Variants in CTSB observed in about 807,000 individuals in gnomAD.
CTSB encodes the protein APP secretase.
CTSB carries 57 observed loss-of-function variants against 44.3 expected under a neutral mutation model. That is an observed-to-expected ratio of 1.29 (90% confidence interval 1.04 to 1.60). The LOEUF (loss-of-function observed/expected upper bound fraction) is 1.60, where lower values mean the gene tolerates loss of function less well. Ranked by LOEUF, CTSB falls within the 40% of genes most tolerant of loss-of-function variation. The pLI, the probability that CTSB is intolerant of heterozygous loss-of-function variation, is 0.00. For missense variants in CTSB, 768 were observed against 443.0 expected, an observed-to-expected ratio of 1.73 and a Z score of -6.59; for synonymous variants, 320 against 168.0, an observed-to-expected ratio of 1.91 and a Z score of -7.00.
intron 2 of CTSB, among the ~76,000 whole-genome samples, chr8:11,853,065 GCTCA>G (rs1412291127): frequency 1.3e-5 from 2 of 152,090 alleles, no homozygotes; most frequent in African/African-American, 4.8e-5. Flanking sequence ...CACTTCCGAA[GCTCA>G]CTTACTCCCC....
chr8:11,861,621 CA>C (rs1447937032), intron 1 of CTSB: 1 of 152,250 alleles, frequency 6.6e-6, no homozygotes, highest in Non-Finnish European at 1.5e-5. Flanking sequence ...GTAAACAAGA[CA>C]ATTTAGTCAA....
At chr8:11,845,485 G>A (rs545667488) in intron 9 of CTSB, among the ~76,000 whole-genome samples, 176 bp downstream of exon 9, 1 of 152,240 alleles carries the variant, frequency 6.6e-6, no homozygotes. Flanking sequence ...GCTGCTCAGA[G>A]TCTGCCCTCA....
chr8:11,850,850 G>C lies in CTSB; in HGVS notation c.327+16C>G. ...CTTTCTCTCCAGCGCTTCCCCGCCA[G>C]CCAGCAGGGCCTTACCCAGCAGGAG... On this transcript the variant is annotated intron_variant, in intron 4 of 9. Coordinates refer to ENST00000353047, the MANE Select transcript of CTSB (RefSeq NM_001908.5). 5.7e-6 allele frequency: 9 copies of C among 1,585,160 alleles called. No homozygotes were observed. The highest frequency in any genetic ancestry group is 7.8e-6 in the Non-Finnish European group (9 of 1,155,618).
chr8:11,853,785 G>T, intron 1 of CTSB: 1 of 256,846 alleles, frequency 3.9e-6, no homozygotes, highest in Non-Finnish European at 7.5e-6. Flanking sequence ...TGGATTTGTA[G>T]AACAGCTTGA....
chr8:11,844,888 G>C lies in CTSB; in HGVS notation c.*237C>G, dbSNP rs1812965206. On this transcript the variant is annotated 3_prime_UTR_variant, in exon 10 of 10. Transcript: ENST00000353047. ...GCAGCAGGTACTCCCTACGGCACTA[G>C]TCTACAGGGGGAAGGACGCTCTGTG... 1 of 537,582 alleles carries C rather than the reference G, an allele frequency of 1.9e-6. No individual in the cohort carries two copies. The highest frequency in any genetic ancestry group is 1.9e-5 in the African/African-American group (1 of 52,896). The allele number at this position is 537,582 out of a possible 1,614,324, so 33.3% of individuals were successfully genotyped here. A position where few individuals can be genotyped will look rare whatever the true frequency, so the allele number is the denominator to read the frequency against.
intron 1 of CTSB, among the ~76,000 whole-genome samples, chr8:11,865,934 G>C (rs915946218): frequency 6.7e-6 from 1 of 149,000 alleles, no homozygotes; most frequent in African/African-American, 2.5e-5. Context: ...CAGGAGAATT[G>C]CTTCAACATG....
At chr8:11,858,238 C>T (rs1815843463) in intron 1 of CTSB, among the ~76,000 whole-genome samples, 1 of 152,248 alleles carries the variant, frequency 6.6e-6, no homozygotes, top group Non-Finnish European at 1.5e-5. Context: ...TCAGTTCACA[C>T]TAAACCTATT....
chr8:11,845,645 G>A lies in CTSB; in HGVS notation c.922+16C>T, dbSNP rs199870292. Reference sequence around the variant, plus strand: ...CACAATTCACTGTTCTTGGCAGGAAGGGGGCAGCCACTCACCATTGTCACC... The same window carrying A: ...CACAATTCACTGTTCTTGGCAGGAAAGGGGCAGCCACTCACCATTGTCACC... On this transcript the variant is annotated intron_variant, in intron 9 of 9. Coordinates refer to ENST00000353047, the MANE Select transcript of CTSB (RefSeq NM_001908.5). 20 of 1,610,178 alleles carry A rather than the reference G, an allele frequency of 1.2e-5. No individual in the cohort carries two copies. Among genetic ancestry groups the A allele is most frequent in the East Asian group, 4.5e-5 (2 of 44,786 alleles).
chr8:11,859,243 A>G (rs1310020800), intron 1 of CTSB, among the ~76,000 whole-genome samples: 4 of 152,164 alleles, frequency 2.6e-5, no homozygotes, highest in Non-Finnish European at 4.4e-5. Context: ...TATGTGCCAA[A>G]AAGAGTGTGC....
chr8:11,845,530 G>C lies in CTSB; in HGVS notation c.922+131C>G, dbSNP rs1196253876. 3.5e-6 allele frequency: 4 copies of C among 1,138,954 alleles called. No homozygotes were observed. Among genetic ancestry groups the C allele is most frequent in the East Asian group, 2.6e-5 (1 of 38,960 alleles). The allele number at this position is 1,138,954 out of a possible 1,614,324, so 70.6% of individuals were successfully genotyped here. ...GGAACTCCTGACTGCCTGGCACTTA[G>C]GAGGAGCTCACAGCCTGGCCGTAGG... On this transcript the variant is annotated intron_variant, in intron 9 of 9. Transcript: ENST00000353047.
chr8:11,847,647 C>T (rs376744805), intron 7 of CTSB, 32 bp downstream of exon 7: 195 of 1,505,646 alleles, frequency 1.3e-4, no homozygotes, highest in African/African-American at 1.1e-3. Flanking sequence ...CCAGCCTCCA[C>T]GTGCGCCGTG....
chr8:11,856,980 C>T (rs529909391), intron 1 of CTSB, among the ~76,000 whole-genome samples: 4 of 152,244 alleles, frequency 2.6e-5, no homozygotes, highest in African/African-American at 9.6e-5. Flanking sequence ...TTAATGATTC[C>T]TCAGAGCATT....
rs145066370 is a variant in CTSB, at chr8:11,860,131, G to A, written c.-25-6652C>T. Among the ~76,000 whole-genome samples, 3 of 152,292 alleles carry A rather than the reference G, an allele frequency of 2.0e-5. No individual in the cohort carries two copies. The East Asian group carries it at 5.8e-4, about 29-fold the overall frequency. ...TGGTCACAGAGCCCTCAGGTAGACT[G>A]CACTTTAAATCTGTAAAGGATTTAA... On this transcript the variant is annotated intron_variant, in intron 1 of 9. Coordinates refer to ENST00000353047, the MANE Select transcript of CTSB (RefSeq NM_001908.5).
At chr8:11,862,448 C>G (rs1439563297) in intron 1 of CTSB, 2 of 152,190 alleles carry the variant, frequency 1.3e-5, no homozygotes, top group African/African-American at 2.4e-5. Context: ...GTTTGCATCC[C>G]AGAGTCATCA....
rs1380380671 is a variant in CTSB at position 11,844,588 on chromosome 8, T to TAA, written c.*536_*537insTT. On this transcript the variant is annotated 3_prime_UTR_variant, in exon 10 of 10. Transcript: ENST00000353047. ...AGAGTGCACGAAAAAATAAAACTTC[T>TAA]ATTAAAGAATCATGCTGAGCACAAG... is the stretch of plus-strand genomic sequence containing the variant. 6.5e-6 allele frequency: 1 copy of TAA among 152,688 alleles called. No homozygotes were observed. The highest frequency in any genetic ancestry group is 1.5e-5 in the Non-Finnish European group (1 of 68,400). The allele number at this position is 152,688 out of a possible 1,614,324, so 9.5% of individuals were successfully genotyped here. A position where few individuals can be genotyped will look rare whatever the true frequency, so the allele number is the denominator to read the frequency against.
At chr8:11,845,858 C>G in intron 8 of CTSB, 69 bp from the exon 9 acceptor site, 6 of 1,491,380 alleles carry the variant, frequency 4.0e-6, no homozygotes, top group South Asian at 1.4e-5. Flanking sequence ...ACCCCCCACA[C>G]TCAGCTGGTC....
chr8:11,842,936 CTTTTTTTTTTTTTT>C lies in CTSB; in HGVS notation c.*2175_*2188del, dbSNP rs56927740. On this transcript the variant is annotated 3_prime_UTR_variant, in exon 10 of 10. Coordinates refer to ENST00000353047, the MANE Select transcript of CTSB (RefSeq NM_001908.5). ...ACAGGCTTGAGCCACTGCGCCCGGCCTTTTTTTTTTTTTTTTTTTTTTTAATTATTGAGACGGAG... is the reference window on the plus strand; with the variant it reads ...ACAGGCTTGAGCCACTGCGCCCGGCCTTTTTTTTTAATTATTGAGACGGAG... 1 of 90,836 alleles carries C rather than the reference CTTTTTTTTTTTTTT, an allele frequency of 1.1e-5. No homozygotes were observed. Among genetic ancestry groups the C allele is most frequent in the Non-Finnish European group, 2.1e-5 (1 of 48,550 alleles). The allele number at this position is 90,836 out of a possible 1,614,324, so 5.6% of individuals were successfully genotyped here.
At position 11,848,940 on chromosome 8, in the gene CTSB, C is replaced by G. The variant is rs543651957; in HGVS notation, c.446+106G>C. ...CTCTCGGAGTCTCCCCGAAACACTTCTGACTCGCAGCAGTCCCAGGAAGTC... is the reference window on the plus strand; with the variant it reads ...CTCTCGGAGTCTCCCCGAAACACTTGTGACTCGCAGCAGTCCCAGGAAGTC... On this transcript the variant is annotated intron_variant, in intron 5 of 9. Coordinates refer to ENST00000353047, the MANE Select transcript of CTSB (RefSeq NM_001908.5). 1.2e-5 allele frequency: 9 copies of G among 775,812 alleles called. No homozygotes were observed. The African/African-American group carries it at 1.5e-4, about 13-fold the overall frequency. The allele number at this position is 775,812 out of a possible 1,614,324, so 48.1% of individuals were successfully genotyped here.
Position 11,853,424 on chromosome 8 carries a change from G to T in CTSB, c.31C>A (p.Leu11Met). Residue 11 changes from leucine (L) to methionine (M), a missense_variant, in exon 2 of 10, where the codon CTG becomes ATG. By Grantham distance (15) the Leu-to-Met change is conservative (BLOSUM62 2). Coordinates refer to ENST00000353047, the MANE Select transcript of CTSB (RefSeq NM_001908.5). The part of the protein sequence containing the change: MWQLWASLCC[L>M]LVLANARSRP... Reference sequence around the variant, plus strand: ...CTCCGGGCATTGGCCAACACCAGCAGGCAGCAGAGGGAGGCCCAGAGCTGC... The same window carrying T: ...CTCCGGGCATTGGCCAACACCAGCATGCAGCAGAGGGAGGCCCAGAGCTGC... 3 of 1,612,604 alleles carry T rather than the reference G, an allele frequency of 1.9e-6. No homozygotes were observed. The highest frequency in any genetic ancestry group is 2.5e-6 in the Non-Finnish European group (3 of 1,179,774).
Sources: gnomAD v4.1 joint callset for allele counts (sites outside exome capture counted in the v4.1 genomes callset) on GRCh38, gnomAD v4.1.1 for gene constraint, MANE v1.5 for transcripts, NCBI Gene and HGNC (gene_info 2026-07-23, HGNC 2026-07-21) for gene names.